Variants in ULK4 observed in about 807,000 individuals in gnomAD.
The protein encoded by ULK4 is inactive serine/threonine-protein kinase ULK4.
ULK4 carries 133 observed loss-of-function variants against 160.6 expected under a neutral mutation model. That is an observed-to-expected ratio of 0.83 (90% CI 0.72 to 0.96). The LOEUF is 0.96. ULK4 is among the 40% of genes least tolerant of loss of function. The probability of loss-of-function intolerance (pLI) is 0.00; values close to 1 mark genes in which losing one functional copy is unlikely to be tolerated. For synonymous variants in ULK4, 534 were observed against 539.8 expected, an observed-to-expected ratio of 0.99 and a Z score of 0.15; for missense variants, 1,580 against 1,499.5, an observed-to-expected ratio of 1.05 and a Z score of -0.89.
At chr3:41,336,919 G>T (rs2080570249) in intron 35 of ULK4, among the ~76,000 whole-genome samples, 1 of 152,154 alleles carries the variant, frequency 6.6e-6, no homozygotes, top group Non-Finnish European at 1.5e-5. Context: ...AAAACCAGGG[G>T]GCTATACTGC....
chr3:41,961,550 ACCCCCCCCCCC>A (rs201424516), intron 1 of ULK4, among the ~76,000 whole-genome samples: 3 of 124,722 alleles, frequency 2.4e-5, no homozygotes, highest in East Asian at 2.1e-4. Context: ...GTAGTCACTC[ACCCCCCCCCCC>A]CCCCCCCCCG....
chr3:41,805,274 G>T (rs1559565924), intron 19 of ULK4, among the ~76,000 whole-genome samples: 2 of 151,992 alleles, frequency 1.3e-5, no homozygotes, highest in African/African-American at 4.8e-5. Flanking sequence ...TCATGATTTG[G>T]CTCTCTGTTT....
intron 34 of ULK4, among the ~76,000 whole-genome samples, chr3:41,414,134 G>A (rs1022085489): frequency 2.6e-5 from 4 of 152,224 alleles, no homozygotes; most frequent in Non-Finnish European, 5.9e-5. Context: ...CTGGGAGGCG[G>A]AAGTTGCGGT....
chr3:41,684,207 G>C (rs1212968773), intron 27 of ULK4, among the ~76,000 whole-genome samples: 2 of 152,196 alleles, frequency 1.3e-5, no homozygotes, highest in African/African-American at 4.8e-5. Flanking sequence ...ACACAGAAAG[G>C]CAACCCAGAA....
At chr3:41,758,867 C>G (rs1230577983) in intron 21 of ULK4, among the ~76,000 whole-genome samples, 1 of 150,322 alleles carries the variant, frequency 6.7e-6, no homozygotes, top group African/African-American at 2.5e-5. Flanking sequence ...AGCAAGACTC[C>G]ATCTCAATTA....
intron 22 of ULK4, among the ~76,000 whole-genome samples, chr3:41,731,436 C>A (rs573524055): frequency 7.3e-5 from 11 of 151,574 alleles, no homozygotes; most frequent in Admixed American, 6.6e-4. Context: ...AGGTGAAAGC[C>A]CTCTACAAGA....
intron 32 of ULK4, among the ~76,000 whole-genome samples, chr3:41,543,200 C>T (rs1015219155): frequency 1.3e-5 from 2 of 151,976 alleles, no homozygotes; most frequent in African/African-American, 4.8e-5. Flanking sequence ...TATAGTGGTG[C>T]TTCTTTCTGT....
chr3:41,913,224 T>A (rs1284040595), intron 8 of ULK4: 4 of 12,794 alleles, frequency 3.1e-4, no homozygotes, highest in East Asian at 6.8e-3. Flanking sequence ...TGAAATTCTT[T>A]TTTTTTTTTT....
intron 35 of ULK4, among the ~76,000 whole-genome samples, chr3:41,323,271 C>A (rs1559524490): frequency 6.6e-6 from 1 of 151,874 alleles, no homozygotes; most frequent in Non-Finnish European, 1.5e-5. Context: ...GCCATACACA[C>A]ACACGTCAAA....
chr3:41,512,392 G>T (rs1420909844), intron 32 of ULK4, among the ~76,000 whole-genome samples: 2 of 152,162 alleles, frequency 1.3e-5, no homozygotes, highest in Non-Finnish European at 2.9e-5. Flanking sequence ...CATCTAAAAT[G>T]CTCCTAGAAC....
chr3:41,837,143 T>A (rs566232642), intron 17 of ULK4, among the ~76,000 whole-genome samples: 84 of 152,342 alleles, frequency 5.5e-4, no homozygotes, highest in African/African-American at 1.9e-3. Flanking sequence ...AATAAGAGTA[T>A]GAAAAAGTTG....
At chr3:41,816,903 G>C (rs1008817380) in intron 19 of ULK4, among the ~76,000 whole-genome samples, 10 of 152,210 alleles carry the variant, frequency 6.6e-5, no homozygotes, top group African/African-American at 1.9e-4. Context: ...CTGCTGGTGG[G>C]AGTATAAATT....
chr3:41,448,459 A>G (rs1394744648), intron 34 of ULK4, among the ~76,000 whole-genome samples: 1 of 152,248 alleles, frequency 6.6e-6, no homozygotes, highest in African/African-American at 2.4e-5. Context: ...AAGTGCTAGA[A>G]ACATAAGAAA....
At chr3:41,742,817 A>G (rs2038286724) in intron 22 of ULK4, among the ~76,000 whole-genome samples, 1 of 151,936 alleles carries the variant, frequency 6.6e-6, no homozygotes, top group South Asian at 2.1e-4. Flanking sequence ...AAATACAATA[A>G]CCGAAATAAA....
chr3:41,677,550 C>T (rs2035767190), intron 29 of ULK4, among the ~76,000 whole-genome samples: 2 of 151,892 alleles, frequency 1.3e-5, no homozygotes. Flanking sequence ...CCAGGATGGT[C>T]TCAATCTCCT....
chr3:41,597,636 C>T lies in ULK4; in HGVS notation c.3120+18033G>A, dbSNP rs189719006. On this transcript the variant is annotated intron_variant, in intron 31 of 36. Coordinates refer to ENST00000301831, the MANE Select transcript of ULK4 (RefSeq NM_017886.4). The stretch of plus-strand genomic sequence containing the variant: ...AGTGAGTGTGAGTACTGACTGGCCA[C>T]ATAAGAAAACCCATCAGGGAAGAAG... Among the ~76,000 whole-genome samples the T allele has an allele frequency of 8.5e-5, 13 of 152,234 alleles. No individual in the cohort carries two copies. In the East Asian group the frequency reaches 2.5e-3, roughly 29 times the overall value.
At chr3:41,599,941 A>C (rs1168250984) in intron 31 of ULK4, among the ~76,000 whole-genome samples, 1 of 152,228 alleles carries the variant, frequency 6.6e-6, no homozygotes, top group Non-Finnish European at 1.5e-5. Flanking sequence ...TTAGTTACTG[A>C]ATATTGCTTA....
At chr3:41,389,095 C>T (rs887913867) in intron 35 of ULK4, among the ~76,000 whole-genome samples, 1 of 152,014 alleles carries the variant, frequency 6.6e-6, no homozygotes, top group African/African-American at 2.4e-5. Flanking sequence ...CTTCACATCC[C>T]TTGTAGGCTG....
intron 29 of ULK4, among the ~76,000 whole-genome samples, chr3:41,667,700 G>C (rs1162982725): frequency 6.6e-6 from 1 of 152,162 alleles, no homozygotes; most frequent in African/African-American, 2.4e-5. Context: ...TGTCCAGACA[G>C]TATCCCTGAA....
Sources: gnomAD v4.1 joint callset for allele counts (sites outside exome capture counted in the v4.1 genomes callset) on GRCh38, gnomAD v4.1.1 for gene constraint, MANE v1.5 for transcripts, NCBI Gene and HGNC (gene_info 2026-07-23, HGNC 2026-07-21) for gene names.